Variants in OAS1 observed in about 807,000 individuals in gnomAD.
OAS1 encodes 2'-5'-oligoadenylate synthetase 1.
A neutral mutation model predicts 38.5 loss-of-function variants in OAS1; 24 were observed. The ratio of observed to expected loss-of-function variants is 0.62; its 90% CI spans 0.45 to 0.88. The LOEUF is 0.88. OAS1 is among the 40% of genes least tolerant of loss of function. The pLI, the probability that OAS1 is intolerant of heterozygous loss-of-function variation, is 0.00. For synonymous variants in OAS1, 169 were observed against 193.9 expected, an observed-to-expected ratio of 0.87 and a Z score of 1.07; for missense variants, 482 against 493.9, an observed-to-expected ratio of 0.98 and a Z score of 0.23.
intron 3 of OAS1, among the ~76,000 whole-genome samples, chr12:112,912,330 A>C (rs767880714): frequency 2.0e-5 from 3 of 152,198 alleles, no homozygotes; most frequent in Admixed American, 1.3e-4. Flanking sequence ...ACAGAGCAAG[A>C]TCTTCTCTCA....
intron 3 of OAS1, among the ~76,000 whole-genome samples, chr12:112,913,063 T>A (rs967413259): frequency 1.3e-5 from 2 of 152,254 alleles, no homozygotes; most frequent in Non-Finnish European, 2.9e-5. Flanking sequence ...TTTCTTTTGA[T>A]GATGGTCTAT....
At chr12:112,917,276 A>G (rs1047393953) in intron 4 of OAS1, among the ~76,000 whole-genome samples, 1 of 152,128 alleles carries the variant, frequency 6.6e-6, no homozygotes, top group African/African-American at 2.4e-5. Context: ...AGGCTTAGAG[A>G]GTTCAAGTGA....
chr12:112,916,462 A>G, intron 3 of OAS1, 47 bp from the exon 4 acceptor site: 1 of 1,506,932 alleles, frequency 6.6e-7, no homozygotes, highest in Non-Finnish European at 9.2e-7. Flanking sequence ...AGTTTACACA[A>G]AAGTTGAGCA....
chr12:112,926,198 G>T (rs1204314705), intron 6 of OAS1, among the ~76,000 whole-genome samples: 2 of 152,124 alleles, frequency 1.3e-5, no homozygotes, highest in Non-Finnish European at 2.9e-5. Flanking sequence ...TTGTGCCCAG[G>T]CTGGTCTTGA....
intron 5 of OAS1, chr12:112,918,367 C>T: frequency 8.7e-6 from 2 of 229,348 alleles, no homozygotes; most frequent in East Asian, 1.1e-4. Context: ...GTAGATATAC[C>T]ACACTTTCTT....
Position 112,919,740 on chromosome 12 carries a change from A to G in OAS1, c.*187A>G. ...TATCCTATCATAGATAACATTCTCCACAGCCTCACTTCATTCCACCTATTC... is the reference window on the plus strand; with the variant it reads ...TATCCTATCATAGATAACATTCTCCGCAGCCTCACTTCATTCCACCTATTC... On this transcript the variant is annotated 3_prime_UTR_variant, in exon 6 of 6. Transcript: ENST00000202917. 1 of 1,477,286 alleles carries G rather than the reference A, an allele frequency of 6.8e-7. No homozygotes were observed. The highest frequency in any genetic ancestry group is 2.5e-5 in the East Asian group (1 of 40,160). The allele number at this position is 1,477,286 out of a possible 1,614,324, so 91.5% of individuals were successfully genotyped here. A position where few individuals can be genotyped will look rare whatever the true frequency, so the allele number is the denominator to read the frequency against.
chr12:112,930,367 G>A (rs2043590191), intron 6 of OAS1, among the ~76,000 whole-genome samples: 2 of 152,244 alleles, frequency 1.3e-5, no homozygotes, highest in Non-Finnish European at 2.9e-5. Flanking sequence ...GAGGCTTTGA[G>A]AGGTCAAGTG....
At chr12:112,918,711 T>C (rs1465668772) in intron 5 of OAS1, 1 of 451,554 alleles carries the variant, frequency 2.2e-6, no homozygotes, top group Non-Finnish European at 4.5e-6. Context: ...GTCACTGTGC[T>C]AAACAGCCTG....
chr12:112,908,954 C>T (rs922028878), intron 2 of OAS1, 130 bp downstream of exon 2: 39 of 991,088 alleles, frequency 3.9e-5, no homozygotes, highest in South Asian at 2.4e-4. Context: ...GGATCTGTCC[C>T]GGGGCAAGAA....
downstream of OAS1, chr12:112,932,423 C>T (rs2043603596): frequency 6.5e-6 from 1 of 153,002 alleles, no homozygotes; most frequent in African/African-American, 2.4e-5. Flanking sequence ...GAAACTGCAT[C>T]TCTACTAAAA....
chr12:112,917,483 C>G, intron 4 of OAS1, 64 bp from the exon 5 acceptor site: 3 of 1,600,798 alleles, frequency 1.9e-6, no homozygotes, highest in Non-Finnish European at 2.6e-6. Context: ...CTCCCAGGAG[C>G]ATCTGGACTC....
chr12:112,919,951 A>G (rs2043518971), downstream of OAS1: 1 of 461,610 alleles, frequency 2.2e-6, no homozygotes, highest in South Asian at 2.7e-5. Flanking sequence ...AGAAGTACAG[A>G]TGCATATCTA....
At chr12:112,910,100 G>T (rs933699726) in intron 2 of OAS1, among the ~76,000 whole-genome samples, 10 of 152,190 alleles carry the variant, frequency 6.6e-5, no homozygotes, top group Non-Finnish European at 1.2e-4. Context: ...GGTCACAGTG[G>T]CTCACGCCTG....
downstream of OAS1, among the ~76,000 whole-genome samples, chr12:112,923,780 T>G (rs1429798117): frequency 6.6e-6 from 1 of 152,202 alleles, no homozygotes; most frequent in East Asian, 1.9e-4. Context: ...CCACCTGATC[T>G]TTGACAAGAT....
intron 6 of OAS1, among the ~76,000 whole-genome samples, chr12:112,925,745 C>T (rs6489867): frequency 0.68 from 103,244 of 152,030 alleles, 35,332 homozygotes; most frequent in East Asian, 0.77. Context: ...ATGATCAAGC[C>T]GCTGCACTCC....
At position 112,911,084 on chromosome 12, in the gene OAS1, A is replaced by C. The variant is rs2043370669; in HGVS notation, c.503A>C (p.Gln168Pro). The change falls in exon 3 of 6, where the codon CAA (glutamine) becomes CCA (proline). Residue 168 changes from glutamine (Q) to proline (P), a missense_variant. Gln to Pro is a moderately conservative substitution (Grantham distance 76). Transcript: ENST00000202917. ...QLTGGYKPNP[Q>P]IYVKLIEECT... ...ACTGGCGGCTATAAACCTAACCCCC[A>C]AATCTATGTCAAGCTCATCGAGGAG... 6.2e-7 allele frequency: 1 copy of C among 1,613,854 alleles called. No homozygotes were observed. The highest frequency in any genetic ancestry group is 1.7e-5 in the Admixed American group (1 of 59,976).
Position 112,914,740 on chromosome 12 carries a change from T to C in OAS1, c.655-1769T>C, listed in dbSNP as rs1176064776. 2.7e-5 allele frequency among the ~76,000 whole-genome samples: 4 copies of C among 150,776 alleles called. No individual in the cohort carries two copies. In the East Asian group the frequency reaches 7.7e-4, roughly 29 times the overall value. On this transcript the variant is annotated intron_variant, in intron 3 of 5. Coordinates refer to ENST00000202917, the MANE Select transcript of OAS1 (RefSeq NM_016816.4). ...TGCTTGTTGGTATTTGTTTTTTTTT[T>C]TTTTTTTTCATTATTATACTTTAAG...
intron 2 of OAS1, among the ~76,000 whole-genome samples, chr12:112,910,665 G>A (rs2043363484): frequency 6.6e-6 from 1 of 152,186 alleles, no homozygotes. Flanking sequence ...GACAGGAGGT[G>A]AGGTGGGAGA....
intron 6 of OAS1, among the ~76,000 whole-genome samples, chr12:112,927,322 G>C (rs910310313): frequency 6.6e-6 from 1 of 152,130 alleles, no homozygotes; most frequent in Admixed American, 6.5e-5. Flanking sequence ...AGGTCCCTCC[G>C]TTCGGGGTCC....
Sources: allele counts gnomAD v4.1 joint callset (sites outside exome capture counted in the v4.1 genomes callset), GRCh38; gene constraint gnomAD v4.1.1; transcripts MANE v1.5; gene names NCBI Gene and HGNC (gene_info 2026-07-23, HGNC 2026-07-21).